Variants in SI observed in about 807,000 individuals in gnomAD.
SI encodes sucrase-isomaltase.
A neutral mutation model predicts 253.3 loss-of-function variants in SI; 235 were observed. The observed-to-expected ratio is 0.93, with a 90% CI of 0.83 to 1.03. The LOEUF is 1.03. Among genes scored for constraint, SI ranks in the 50% least tolerant of loss-of-function variants. The probability of loss-of-function intolerance (pLI) is 0.00; values close to 1 mark genes in which losing one functional copy is unlikely to be tolerated. For missense variants in SI, 2,442 were observed against 2,211.1 expected (o/e 1.10, Z -2.09); for synonymous variants, 819 against 712.0 (o/e 1.15, Z -2.39).
rs1560015528 is a variant in SI, at chr3:165,065,358, T to G, written c.710A>C (p.Tyr237Ser). ...LQISTRLPSD[Y>S]IYGIGEQVHK... ...AACTTGTTCTCCAATACCATAAATATAATCACTTGGAAGACGGGTTGAGAT... is the reference window on the plus strand; with the variant it reads ...AACTTGTTCTCCAATACCATAAATAGAATCACTTGGAAGACGGGTTGAGAT... Residue 237 changes from tyrosine (Y) to serine (S), a missense_variant, in exon 7 of 48, where the codon TAT (tyrosine) becomes TCT (serine). Transcript: ENST00000264382. 1 of 1,595,522 alleles carries G rather than the reference T, an allele frequency of 6.3e-7. No homozygotes were observed. Among genetic ancestry groups the G allele is most frequent in the Non-Finnish European group, 8.6e-7 (1 of 1,165,094 alleles).
Position 164,989,403 on chromosome 3 carries a change from A to G in SI, c.5108+1950T>C, listed in dbSNP as rs146544995. On this transcript the variant is annotated intron_variant, in intron 44 of 47. Transcript: ENST00000264382. ...AAGAAAGAAAGGAAGAAAGAAAGAA[A>G]GAAAGAAAGAAAGAAAGAAAGAAAG... 1.1e-3 allele frequency among the ~76,000 whole-genome samples: 165 copies of G among 148,654 alleles called. 1 individual carries two copies. Among genetic ancestry groups the G allele is most frequent in the African/African-American group, 3.9e-3 (155 of 40,098 alleles).
At chr3:165,064,660 T>C (rs1298750267) in intron 7 of SI, among the ~76,000 whole-genome samples, 1 of 152,130 alleles carries the variant, frequency 6.6e-6, no homozygotes, top group Non-Finnish European at 1.5e-5. Flanking sequence ...AGGATTATTA[T>C]ACTAAGTCAA....
chr3:165,006,000 G>C (rs558321800), intron 37 of SI, among the ~76,000 whole-genome samples: 6 of 152,202 alleles, frequency 3.9e-5, no homozygotes, highest in Non-Finnish European at 7.4e-5. Flanking sequence ...ATCATCATTG[G>C]CCTTACATAA....
chr3:164,995,221 G>T (rs1399602137), intron 40 of SI, among the ~76,000 whole-genome samples: 1 of 151,680 alleles, frequency 6.6e-6, no homozygotes, highest in African/African-American at 2.4e-5. Flanking sequence ...GAGTAAGAAA[G>T]TTTGAATGAA....
intron 25 of SI, among the ~76,000 whole-genome samples, chr3:165,029,744 A>G (rs1241971108): frequency 6.7e-6 from 1 of 150,130 alleles, no homozygotes; most frequent in Non-Finnish European, 1.5e-5. Flanking sequence ...CCTGTCCTTT[A>G]TATTCGTTTT....
intron 13 of SI, 43 bp downstream of exon 13, chr3:165,055,151 T>C: frequency 4.5e-6 from 5 of 1,121,498 alleles, no homozygotes; most frequent in Non-Finnish European, 6.8e-6. Flanking sequence ...TAAATAAGTC[T>C]ATGGTCATTG....
chr3:165,052,690 G>C (rs1021987260), intron 13 of SI, among the ~76,000 whole-genome samples: 3 of 151,958 alleles, frequency 2.0e-5, no homozygotes, highest in Non-Finnish European at 4.4e-5. Flanking sequence ...CTTTGTTTCT[G>C]AGAATGTACC....
At chr3:164,989,587 T>C (rs1337392985) in intron 44 of SI, among the ~76,000 whole-genome samples, 13 of 152,016 alleles carry the variant, frequency 8.6e-5, no homozygotes, top group Admixed American at 7.9e-4. Flanking sequence ...CCAGTGAATG[T>C]CTACATTTTC....
At position 165,065,368 on chromosome 3, in the gene SI, G is replaced by C; in HGVS notation, c.700C>G (p.Pro234Ala). 6.3e-7 allele frequency: 1 copy of C among 1,592,372 alleles called. No individual in the cohort carries two copies. The highest frequency in any genetic ancestry group is 8.6e-7 in the Non-Finnish European group (1 of 1,163,104). The change falls in exon 7 of 48, where the codon CCA becomes GCA. Residue 234 changes from proline to alanine, a missense_variant. Transcript: ENST00000264382. ...DQYLQISTRL[P>A]SDYIYGIGEQ... ...CCAATACCATAAATATAATCACTTG[G>C]AAGACGGGTTGAGATCTGTAAGTAC...
intron 12 of SI, 92 bp from the exon 13 acceptor site, chr3:165,055,399 A>T: frequency 1.4e-6 from 1 of 738,154 alleles, no homozygotes; most frequent in East Asian, 2.8e-5. Flanking sequence ...TAGTAAAAAA[A>T]AATAAAGTTA....
chr3:165,052,101 T>C (rs1713462843), intron 13 of SI, among the ~76,000 whole-genome samples: 1 of 152,126 alleles, frequency 6.6e-6, no homozygotes, highest in South Asian at 2.1e-4. Flanking sequence ...AGTATGTCTA[T>C]ATAGCAAGAT....
Position 164,991,466 on chromosome 3 carries a change from A to C in SI, c.4995T>G (p.Ile1665Met), listed in dbSNP as rs1250734803. The C allele has an allele frequency of 9.3e-6, 15 of 1,613,524 alleles. No individual in the cohort carries two copies. The highest frequency in any genetic ancestry group is 1.3e-5 in the Non-Finnish European group (15 of 1,179,700). ...ATGTTTGAAATTGTCCTCTGACGCC[A>C]ATATCTTTGCCCTGGAAATGAAAGG... ...RWFDYHTGKD[I>M]GVRGQFQTFN... The change falls in exon 44 of 48, where the codon ATT becomes ATG. Residue 1665 changes from isoleucine to methionine, a missense_variant. Coordinates refer to ENST00000264382, the MANE Select transcript of SI (RefSeq NM_001041.4).
At position 165,055,286 on chromosome 3, in the gene SI, A is replaced by G. The variant is rs771986263; in HGVS notation, c.1420T>C (p.Tyr474His). 28 of 1,599,366 alleles carry G rather than the reference A, an allele frequency of 1.8e-5. 1 individual carries two copies. In the African/African-American group the frequency reaches 2.9e-4, roughly 17 times the overall value. The change falls in exon 13 of 48, where the codon TAC becomes CAC. Residue 474 changes from tyrosine (Y) to histidine (H), a missense_variant. Transcript: ENST00000264382. ...IGEVWPGLTV[Y>H]PDFTNPNCID... is the part of the protein sequence containing the mutation. ...CAGTTTGGGTTAGTGAAATCAGGGTATACTGTTAATCCTGGCCATACCTAG... is the reference window on the plus strand; with the variant it reads ...CAGTTTGGGTTAGTGAAATCAGGGTGTACTGTTAATCCTGGCCATACCTAG...
intron 3 of SI, among the ~76,000 whole-genome samples, chr3:165,069,928 A>AT (rs1298551401): frequency 6.6e-6 from 1 of 151,002 alleles, no homozygotes; most frequent in African/African-American, 2.4e-5. Context: ...AAATTGTAGG[A>AT]TTTTCCCCTT....
At position 165,069,100 on chromosome 3, in the gene SI, T is replaced by G; in HGVS notation, c.351A>C (p.Gln117His). The G allele has an allele frequency of 6.2e-7, 1 of 1,611,376 alleles. No individual in the cohort carries two copies. Among genetic ancestry groups the G allele is most frequent in the Admixed American group, 1.7e-5 (1 of 59,986 alleles). The change falls in exon 4 of 48, where the codon CAA becomes CAC. Residue 117 changes from glutamine to histidine, a missense_variant. Gln to His is a conservative substitution (Grantham distance 24, BLOSUM62 0). Coordinates refer to ENST00000264382, the MANE Select transcript of SI (RefSeq NM_001041.4). ...FFVDNHGYNVQDMTTTSIGVE... is the reference protein window; with the variant it reads ...FFVDNHGYNVHDMTTTSIGVE... The stretch of plus-strand genomic sequence containing the variant: ...TACCAATACTTGTTGTTGTCATGTC[T>G]TGAACGTTATAACCATGATTATCAA...
At chr3:164,989,461 A>T in intron 44 of SI, among the ~76,000 whole-genome samples, 1 of 125,360 alleles carries the variant, frequency 8.0e-6, no homozygotes, top group Non-Finnish European at 1.9e-5. Context: ...AGGAGAGGAG[A>T]GGAGAAGAGA....
upstream of SI, among the ~76,000 whole-genome samples, chr3:165,082,563 C>A (rs1236154941): frequency 6.6e-6 from 1 of 151,958 alleles, no homozygotes; most frequent in Non-Finnish European, 1.5e-5. Context: ...CCCTACTTTT[C>A]CCTTCATAAC....
intron 45 of SI, among the ~76,000 whole-genome samples, chr3:164,984,128 G>A (rs1717327471): frequency 6.6e-6 from 1 of 152,006 alleles, no homozygotes; most frequent in Admixed American, 6.6e-5. Flanking sequence ...ATCAAACCCA[G>A]TCTTCCTTGA....
chr3:165,072,893 C>A (rs1227173347), intron 3 of SI, among the ~76,000 whole-genome samples: 1 of 152,034 alleles, frequency 6.6e-6, no homozygotes, highest in African/African-American at 2.4e-5. Context: ...CACTCAAATT[C>A]TTTTGAGATA....
Sources: allele counts gnomAD v4.1 joint callset (sites outside exome capture counted in the v4.1 genomes callset), GRCh38; gene constraint gnomAD v4.1.1; transcripts MANE v1.5; gene names NCBI Gene and HGNC (gene_info 2026-07-23, HGNC 2026-07-21).